Variants in GSG1L observed in about 807,000 individuals in gnomAD.
GSG1L encodes GSG1 like, also known as germ cell-specific gene 1-like protein.
A neutral mutation model predicts 42.1 loss-of-function variants in GSG1L; 24 were observed. That is an observed-to-expected ratio of 0.57 (90% confidence interval 0.41 to 0.80). The LOEUF (loss-of-function observed/expected upper bound fraction) is 0.80. Among genes scored for constraint, GSG1L ranks in the 30% least tolerant of loss-of-function variants. The probability of loss-of-function intolerance (pLI) is 0.00; values close to 1 mark genes in which losing one functional copy is unlikely to be tolerated. For missense variants in GSG1L, 445 were observed against 472.2 expected, an observed-to-expected ratio of 0.94 and a Z score of 0.53; for synonymous variants, 215 against 203.5, an observed-to-expected ratio of 1.06 and a Z score of -0.48.
At chr16:27,909,381 C>CTT (rs34041209) in intron 2 of GSG1L, among the ~76,000 whole-genome samples, 14 of 117,790 alleles carry the variant, frequency 1.2e-4, no homozygotes, top group East Asian at 2.3e-4. Flanking sequence ...TCTTCTTTTT[C>CTT]TTTTTTTTTT....
chr16:27,840,794 C>A (rs2083372370), intron 4 of GSG1L, among the ~76,000 whole-genome samples: 1 of 152,292 alleles, frequency 6.6e-6, no homozygotes, highest in African/African-American at 2.4e-5. Context: ...TTGAGATAGT[C>A]TCCCCAAGGA....
chr16:27,894,926 T>C (rs1265307633), intron 2 of GSG1L, among the ~76,000 whole-genome samples: 1 of 152,156 alleles, frequency 6.6e-6, no homozygotes, highest in Non-Finnish European at 1.5e-5. Flanking sequence ...GGATTGAGGT[T>C]CGAGGGGGAA....
rs115449785 is a variant in GSG1L, at chr16:27,867,265, C to T, written c.550+17221G>A. Among the ~76,000 whole-genome samples, 775 of 152,314 alleles carry T rather than the reference C, an allele frequency of 5.1e-3. 11 individuals are homozygous for T. Among genetic ancestry groups the T allele is most frequent in the African/African-American group, 0.018 (740 of 41,568 alleles). On this transcript the variant is annotated intron_variant, in intron 3 of 6. Coordinates refer to ENST00000447459, the MANE Select transcript of GSG1L (RefSeq NM_001109763.2). ...GTGATGCAGTGCTTATGCAGGCAGG[C>T]ACTGCATGGCTCTCAGCCCAGCTCT... is the stretch of plus-strand genomic sequence containing the variant.
chr16:28,025,522 A>T (rs958848731), intron 1 of GSG1L, among the ~76,000 whole-genome samples: 2 of 151,994 alleles, frequency 1.3e-5, no homozygotes, highest in African/African-American at 4.8e-5. Context: ...GCCCGGCTCA[A>T]CCCTCCCTGG....
chr16:27,883,118 C>CA (rs1282858322), intron 3 of GSG1L, among the ~76,000 whole-genome samples: 197 of 70,198 alleles, frequency 2.8e-3, no homozygotes, highest in East Asian at 0.01. Context: ...GACCCAATCT[C>CA]AAAAAAAAAA....
At chr16:27,969,625 AT>A in intron 1 of GSG1L, among the ~76,000 whole-genome samples, 1 of 152,342 alleles carries the variant, frequency 6.6e-6, no homozygotes, top group South Asian at 2.1e-4. Flanking sequence ...TCATCAGATA[AT>A]AGATACTTGA....
intron 1 of GSG1L, among the ~76,000 whole-genome samples, chr16:28,026,080 G>A (rs777542758): frequency 6.6e-6 from 1 of 152,180 alleles, no homozygotes; most frequent in Admixed American, 6.5e-5. Flanking sequence ...CGATATTCAG[G>A]AAGCCAAACG....
rs916396138 is a variant in GSG1L, at chr16:27,995,423, T to G, written c.350-32220A>C. On this transcript the variant is annotated intron_variant, in intron 1 of 6. Coordinates refer to ENST00000447459, the MANE Select transcript of GSG1L (RefSeq NM_001109763.2). ...AAACGCATAACCAAAATGAAACAAC[T>G]GGAGATATTGTAGTTGGAACACCTC... Among the ~76,000 whole-genome samples the G allele has an allele frequency of 5.0e-4, 76 of 152,028 alleles. 1 individual carries two copies. Among genetic ancestry groups the G allele is most frequent in the Non-Finnish European group, 1.5e-4 (10 of 68,010 alleles).
At chr16:27,855,687 T>G (rs1333909429) in intron 3 of GSG1L, among the ~76,000 whole-genome samples, 1 of 131,748 alleles carries the variant, frequency 7.6e-6, no homozygotes, top group African/African-American at 3.0e-5. Flanking sequence ...GTCACTGTAC[T>G]CCAGCCTGGG....
At chr16:28,043,392 G>T (rs2086129720) in intron 1 of GSG1L, among the ~76,000 whole-genome samples, 1 of 152,152 alleles carries the variant, frequency 6.6e-6, no homozygotes, top group South Asian at 2.1e-4. Flanking sequence ...AACATTCAGA[G>T]GTACCAACAG....
chr16:27,868,660 A>G (rs2083762551), intron 3 of GSG1L, among the ~76,000 whole-genome samples: 2 of 152,152 alleles, frequency 1.3e-5, no homozygotes, highest in Admixed American at 1.3e-4. Flanking sequence ...CCATTAAAAT[A>G]TGGGAGTTTT....
intron 1 of GSG1L, among the ~76,000 whole-genome samples, chr16:27,986,492 C>A: frequency 8.7e-6 from 1 of 114,924 alleles, no homozygotes; most frequent in Non-Finnish European, 1.7e-5. Flanking sequence ...AGCGACCGAG[C>A]GAGACTCCGC....
chr16:27,821,423 C>T (rs1175648050), intron 5 of GSG1L, among the ~76,000 whole-genome samples: 1 of 152,016 alleles, frequency 6.6e-6, no homozygotes, highest in Admixed American at 6.5e-5. Flanking sequence ...GTTTTGCAAC[C>T]CTTGCCTTCC....
chr16:27,830,405 C>T (rs140122514), intron 4 of GSG1L, among the ~76,000 whole-genome samples: 1 of 152,156 alleles, frequency 6.6e-6, no homozygotes, highest in Non-Finnish European at 1.5e-5. Context: ...GCACCCACTG[C>T]TTTTCCCCTT....
intron 2 of GSG1L, among the ~76,000 whole-genome samples, chr16:27,933,173 A>C (rs1197786737): frequency 6.6e-6 from 1 of 152,116 alleles, no homozygotes; most frequent in African/African-American, 2.4e-5. Context: ...GAATGGAGAA[A>C]AGAATAACCC....
chr16:27,901,696 C>T (rs183230954), intron 2 of GSG1L, among the ~76,000 whole-genome samples: 1 of 152,328 alleles, frequency 6.6e-6, no homozygotes, highest in Non-Finnish European at 1.5e-5. Flanking sequence ...GAAAGAGTTA[C>T]CTTTCAGAAA....
intron 4 of GSG1L, among the ~76,000 whole-genome samples, chr16:27,836,247 TAGGG>T (rs952399622): frequency 6.6e-6 from 1 of 151,902 alleles, no homozygotes; most frequent in Admixed American, 6.6e-5. Flanking sequence ...CCCCTGTAGT[TAGGG>T]AGGATGTTAT....
chr16:28,004,073 C>A (rs1016997816), intron 1 of GSG1L, among the ~76,000 whole-genome samples: 1 of 152,174 alleles, frequency 6.6e-6, no homozygotes, highest in Non-Finnish European at 1.5e-5. Flanking sequence ...CCACTCAGCC[C>A]GAGGCGCCTG....
intron 1 of GSG1L, among the ~76,000 whole-genome samples, chr16:27,967,776 G>A (rs2085151583): frequency 6.6e-6 from 1 of 152,210 alleles, no homozygotes; most frequent in African/African-American, 2.4e-5. Flanking sequence ...CGCTGGGTGT[G>A]TTGGCATATG....
Sources: allele counts gnomAD v4.1 joint callset (sites outside exome capture counted in the v4.1 genomes callset), GRCh38; gene constraint gnomAD v4.1.1; transcripts MANE v1.5; gene names NCBI Gene and HGNC (gene_info 2026-07-23, HGNC 2026-07-21).